The following ADAM2 variants were observed in gnomAD, a reference collection of about 807,000 sequenced individuals.
The protein encoded by ADAM2 is ADAM metallopeptidase domain 2.
Under a neutral mutation model 99.3 loss-of-function variants are expected in ADAM2, and 101 were observed. That is an observed-to-expected ratio of 1.02 (90% confidence interval 0.87 to 1.20). The LOEUF is 1.20. ADAM2 is among the 50% of genes most tolerant of loss of function. The pLI, the probability that ADAM2 is intolerant of heterozygous loss-of-function variation, is 0.00. For synonymous variants in ADAM2, 323 were observed against 287.6 expected, an observed-to-expected ratio of 1.12 and a Z score of -1.25; for missense variants, 948 against 878.7, an observed-to-expected ratio of 1.08 and a Z score of -1.00.
chr8:39,802,717 G>A (rs889946012), intron 7 of ADAM2, among the ~76,000 whole-genome samples: 5 of 152,008 alleles, frequency 3.3e-5, no homozygotes, highest in Admixed American at 6.5e-5. Flanking sequence ...GTTCACCAAG[G>A]CACCTGGTGC....
chr8:39,811,050 T>C (rs1391145588), intron 6 of ADAM2, among the ~76,000 whole-genome samples: 2 of 150,974 alleles, frequency 1.3e-5, no homozygotes, highest in African/African-American at 4.9e-5. Context: ...GCAAGACTAA[T>C]AAAGAAGAAA....
At chr8:39,835,358 T>C (rs1337456166) in intron 2 of ADAM2, among the ~76,000 whole-genome samples, 1 of 152,166 alleles carries the variant, frequency 6.6e-6, no homozygotes. Context: ...CATTTCCCAC[T>C]TTTAGAAGTT....
At chr8:39,787,542 C>A (rs7006036) in intron 9 of ADAM2, among the ~76,000 whole-genome samples, 5,239 of 128,282 alleles carry the variant, frequency 0.041, 135 homozygotes, top group African/African-American at 0.073. Flanking sequence ...CTCTCTCTCT[C>A]TATATATATA....
intron 7 of ADAM2, among the ~76,000 whole-genome samples, chr8:39,797,838 T>C (rs888711923): frequency 6.6e-6 from 1 of 152,240 alleles, no homozygotes; most frequent in African/African-American, 2.4e-5. Flanking sequence ...TTTGACTCTC[T>C]GTTTGCCTAT....
At chr8:39,822,550 C>G (rs1178374178) in intron 4 of ADAM2, among the ~76,000 whole-genome samples, 1 of 151,114 alleles carries the variant, frequency 6.6e-6, no homozygotes, top group African/African-American at 2.5e-5. Flanking sequence ...TTCAATATTA[C>G]ATTTGCACTT....
intron 15 of ADAM2, among the ~76,000 whole-genome samples, chr8:39,757,078 T>C (rs994090010): frequency 4.6e-5 from 7 of 152,196 alleles, no homozygotes; most frequent in Non-Finnish European, 1.0e-4. Flanking sequence ...ATATCTCTAC[T>C]TTAAAACATC....
At chr8:39,772,882 A>G (rs1389040678) in intron 11 of ADAM2, among the ~76,000 whole-genome samples, 1 of 151,926 alleles carries the variant, frequency 6.6e-6, no homozygotes, top group Non-Finnish European at 1.5e-5. Context: ...TATTAATATA[A>G]CCTATATTTA....
intron 3 of ADAM2, among the ~76,000 whole-genome samples, chr8:39,827,468 C>A (rs7463448): frequency 6.6e-6 from 1 of 151,882 alleles, no homozygotes; most frequent in Non-Finnish European, 1.5e-5. Flanking sequence ...AGTCAAGATA[C>A]GGAATCAAGC....
chr8:39,824,318 C>T (rs67560320), intron 4 of ADAM2, among the ~76,000 whole-genome samples: 3 of 150,086 alleles, frequency 2.0e-5, no homozygotes, highest in Admixed American at 2.0e-4. Context: ...ATGACTAATC[C>T]TGGCAATTTT....
rs139921527 is a variant in ADAM2, at chr8:39,744,747, C to G, written c.*30+83G>C. On this transcript the variant is annotated intron_variant, in intron 20 of 20. Transcript: ENST00000265708. ...AGCAAACCACCATGGCACATGTATA[C>G]CTATGTAACAAACCTGCACATTCTG... The G allele has an allele frequency of 1.5e-3, 1,341 of 869,150 alleles. 12 individuals are homozygous for G. In the African/African-American group the frequency reaches 0.021, roughly 13 times the overall value. 53.8% of individuals were successfully genotyped at this position (869,150 alleles called of 1,614,324 possible). A position where few individuals can be genotyped will look rare whatever the true frequency, so the allele number is the denominator to read the frequency against.
chr8:39,745,943 TAA>T (rs1264099558), intron 19 of ADAM2, among the ~76,000 whole-genome samples: 6 of 152,184 alleles, frequency 3.9e-5, no homozygotes, highest in Admixed American at 3.9e-4. Flanking sequence ...CAGATTCTTA[TAA>T]GATTAAAATT....
At chr8:39,779,416 A>T (rs1343776049) in intron 10 of ADAM2, among the ~76,000 whole-genome samples, 1 of 152,094 alleles carries the variant, frequency 6.6e-6, no homozygotes, top group African/African-American at 2.4e-5. Flanking sequence ...TTCAGGTCCT[A>T]TCTCTGAATA....
chr8:39,830,397 T>C (rs1805567360), intron 3 of ADAM2, among the ~76,000 whole-genome samples: 1 of 152,206 alleles, frequency 6.6e-6, no homozygotes, highest in Non-Finnish European at 1.5e-5. Context: ...ATCATTTGCA[T>C]ACTGTTTATG....
chr8:39,818,309 C>T (rs953474634), intron 6 of ADAM2, among the ~76,000 whole-genome samples: 6 of 151,928 alleles, frequency 3.9e-5, no homozygotes, highest in Non-Finnish European at 7.4e-5. Flanking sequence ...AACAAAATAA[C>T]GATAAAAATG....
Position 39,755,839 on chromosome 8 carries a change from AAT to A in ADAM2, c.1684_1685del (p.Ile562TyrfsTer18), listed in dbSNP as rs1802127162. 10 of 1,606,030 alleles carry A rather than the reference AAT, an allele frequency of 6.2e-6. No homozygotes were observed. The highest frequency in any genetic ancestry group is 8.5e-6 in the Non-Finnish European group (10 of 1,173,090). On this transcript the variant is annotated frameshift_variant, in exon 16 of 21. Coordinates refer to ENST00000265708, the MANE Select transcript of ADAM2 (RefSeq NM_001464.5). LOFTEE classifies it high-confidence loss of function. The part of the protein sequence containing the change: ...KFLLQIPRAT[I>X]IYANISGHLC... ...GATGTCCACTTATGTTGGCATAAATAATAGTGGCTCTTGGAATTTGTAATAAA... is the reference window on the plus strand; with the variant it reads ...GATGTCCACTTATGTTGGCATAAATAAGTGGCTCTTGGAATTTGTAATAAA...
chr8:39,828,006 A>G (rs1215805867), intron 3 of ADAM2, among the ~76,000 whole-genome samples: 1 of 152,020 alleles, frequency 6.6e-6, no homozygotes, highest in African/African-American at 2.4e-5. Context: ...AGACCTTTAT[A>G]TAGCTGGAAG....
intron 15 of ADAM2, among the ~76,000 whole-genome samples, chr8:39,760,843 A>G (rs1802332089): frequency 7.1e-6 from 1 of 141,516 alleles, no homozygotes; most frequent in African/African-American, 2.7e-5. Flanking sequence ...TAATAGCACC[A>G]CTGCATTCCA....
chr8:39,764,575 G>C (rs1802489471), intron 14 of ADAM2, among the ~76,000 whole-genome samples: 1 of 152,212 alleles, frequency 6.6e-6, no homozygotes, highest in South Asian at 2.1e-4. Context: ...TAAGGAAACA[G>C]ATTTGAGCAT....
chr8:39,771,050 C>T (rs939236963), intron 11 of ADAM2, among the ~76,000 whole-genome samples: 2 of 152,198 alleles, frequency 1.3e-5, no homozygotes, highest in African/African-American at 2.4e-5. Flanking sequence ...TATAGTTACT[C>T]AATCATTCAG....
Sources: allele counts gnomAD v4.1 joint callset (sites outside exome capture counted in the v4.1 genomes callset), GRCh38; gene constraint gnomAD v4.1.1; transcripts MANE v1.5; gene names NCBI Gene and HGNC (gene_info 2026-07-23, HGNC 2026-07-21).